Variants in RUFY4 observed in about 807,000 individuals in gnomAD.
The protein encoded by RUFY4 is RUN and FYVE domain containing 4, also known as RUN and FYVE domain-containing protein 4.
In RUFY4, 73 loss-of-function variants were observed where a neutral mutation model predicts 69.0. That is an observed-to-expected ratio of 1.06 (90% CI 0.88 to 1.29). The LOEUF (loss-of-function observed/expected upper bound fraction) is 1.29, where lower values mean the gene tolerates loss of function less well. Ranked by LOEUF, RUFY4 falls within the 50% of genes most tolerant of loss-of-function variation. The pLI is 0.00. For missense variants in RUFY4, 770 were observed against 705.6 expected (o/e 1.09, Z -1.03); for synonymous variants, 287 against 271.8 (o/e 1.06, Z -0.55).
upstream of RUFY4, among the ~76,000 whole-genome samples, chr2:218,068,426 A>G (rs1689401097): frequency 6.6e-6 from 1 of 152,096 alleles, no homozygotes; most frequent in African/African-American, 2.4e-5. Context: ...AGACAGGGAC[A>G]TGACACGGGA....
At position 218,041,045 on chromosome 2, in the gene RUFY4, C is replaced by T. The variant is rs150615184; in HGVS notation, c.-1158+5651C>T. Among the ~76,000 whole-genome samples the T allele has an allele frequency of 5.9e-4, 89 of 151,738 alleles. 1 individual carries two copies. Among genetic ancestry groups the T allele is most frequent in the East Asian group, 4.9e-3 (25 of 5,140 alleles). On this transcript the variant is annotated intron_variant and NMD_transcript_variant, in intron 2 of 13. Transcript: ENST00000457754. ...TTCTCTAGAGAACCATCTGAAAGGACGTTTACACTTCCTTTCTTTGTACAA... is the reference window on the plus strand; with the variant it reads ...TTCTCTAGAGAACCATCTGAAAGGATGTTTACACTTCCTTTCTTTGTACAA...
At chr2:218,090,467 A>G in exon 11 of RUFY4, 1 of 196,394 alleles carries the variant, frequency 5.1e-6, no homozygotes, top group Non-Finnish European at 1.1e-5. Flanking sequence ...ACTATCTTGG[A>G]CTCTCCAGCA....
At chr2:218,062,395 G>C (rs1304798212) in intron 3 of RUFY4, among the ~76,000 whole-genome samples, 1 of 134,380 alleles carries the variant, frequency 7.4e-6, no homozygotes, top group Admixed American at 7.9e-5. Flanking sequence ...GACAGAGCGA[G>C]ACTCCGTCTC....
At chr2:218,060,347 T>C (rs946957273) in intron 3 of RUFY4, 20 of 1,534,944 alleles carry the variant, frequency 1.3e-5, no homozygotes, top group Non-Finnish European at 1.7e-5. Flanking sequence ...TCTTAGAGAG[T>C]AGTGGAAGTG....
At chr2:218,050,759 G>A (rs1688925742) in intron 2 of RUFY4, among the ~76,000 whole-genome samples, 1 of 152,158 alleles carries the variant, frequency 6.6e-6, no homozygotes, top group African/African-American at 2.4e-5. Flanking sequence ...AAGAACAAAT[G>A]TACAGATGAG....
intron 8 of RUFY4, among the ~76,000 whole-genome samples, chr2:218,079,834 G>T (rs968699669): frequency 6.6e-6 from 1 of 152,150 alleles, no homozygotes; most frequent in Non-Finnish European, 1.5e-5. Context: ...GAGCAGGTGT[G>T]GTGAACAAAC....
At chr2:218,051,568 TAAAA>T (rs35465389) in intron 2 of RUFY4, among the ~76,000 whole-genome samples, 118 of 114,902 alleles carry the variant, frequency 1.0e-3, no homozygotes, top group South Asian at 1.6e-3. Flanking sequence ...TCCAATATTT[TAAAA>T]AAAAAAAAAA....
intron 8 of RUFY4, 139 bp from the exon 11 acceptor site, chr2:218,082,971 T>TTGTGTG (rs1032331100): frequency 1.3e-6 from 1 of 759,916 alleles, no homozygotes; most frequent in Admixed American, 2.5e-5. Context: ...GTGTGTGTGT[T>TTGTGTG]TGTGTGTGTG....
chr2:218,039,291 G>C (rs1559418743), intron 2 of RUFY4, among the ~76,000 whole-genome samples: 1 of 152,198 alleles, frequency 6.6e-6, no homozygotes, highest in Non-Finnish European at 1.5e-5. Context: ...TGGTTGGGAA[G>C]GAACAATGGC....
chr2:218,070,975 T>C lies in RUFY4; in HGVS notation c.153+116T>C, dbSNP rs4074800. 9.4e-3 allele frequency: 6,708 copies of C among 716,746 alleles called. 339 individuals are homozygous for C. The African/African-American group carries it at 0.11, about 12-fold the overall frequency. 44.4% of individuals were successfully genotyped at this position (716,746 alleles called of 1,614,324 possible). On this transcript the variant is annotated intron_variant, in intron 2 of 10. Coordinates refer to ENST00000344321, the Ensembl canonical transcript of RUFY4. ...CCCTTCCTTACCATGCACTGTGTCATCTCCCTCTCCCTCCTGACACCTAAC... is the reference window on the plus strand; with the variant it reads ...CCCTTCCTTACCATGCACTGTGTCACCTCCCTCTCCCTCCTGACACCTAAC...
At chr2:218,086,153 C>G (rs1409724767) in intron 9 of RUFY4, among the ~76,000 whole-genome samples, 1 of 152,018 alleles carries the variant, frequency 6.6e-6, no homozygotes, top group East Asian at 1.9e-4. Flanking sequence ...ATGAGGCAGT[C>G]TCTTAGAAGG....
intron 3 of RUFY4, 92 bp from the exon 6 acceptor site, chr2:218,072,687 A>G (rs2106050576): frequency 1.5e-6 from 2 of 1,300,502 alleles, no homozygotes; most frequent in Non-Finnish European, 2.1e-6. Flanking sequence ...CACCCTTCCC[A>G]TTGCCAAGCA....
At chr2:218,038,292 T>C (rs1311898455) in intron 2 of RUFY4, among the ~76,000 whole-genome samples, 1 of 149,518 alleles carries the variant, frequency 6.7e-6, no homozygotes, top group Non-Finnish European at 1.5e-5. Context: ...TTGTGGACAA[T>C]ATGTCTTGAA....
At chr2:218,043,531 T>G (rs1417714468) in intron 2 of RUFY4, among the ~76,000 whole-genome samples, 1 of 152,174 alleles carries the variant, frequency 6.6e-6, no homozygotes, top group Non-Finnish European at 1.5e-5. Context: ...ACCCAACTTC[T>G]GCAGTTCTCA....
In RUFY4 at chr2:218,083,322, G is replaced by A. The variant is rs1032383423; in HGVS notation, c.1502+66G>A. The A allele has an allele frequency of 5.9e-6, 9 of 1,513,544 alleles. No individual in the cohort carries two copies. The African/African-American group carries it at 1.1e-4, about 19-fold the overall frequency. 93.8% of individuals were successfully genotyped at this position (1,513,544 alleles called of 1,614,324 possible). On this transcript the variant is annotated intron_variant, in intron 9 of 10. Transcript: ENST00000344321. ...AACGGTAAGGGATGTGGAGCCCGGA[G>A]CGTGAAAATTCTACTCCACTCACAA...
chr2:218,079,008 C>T (rs1689699898), intron 8 of RUFY4, among the ~76,000 whole-genome samples: 1 of 152,202 alleles, frequency 6.6e-6, no homozygotes, highest in Admixed American at 6.5e-5. Context: ...GCTGGGATTA[C>T]AGACACCTGC....
At chr2:218,074,973 G>A (rs1357286655) in intron 6 of RUFY4, 120 bp from the exon 9 acceptor site, 5 of 1,083,862 alleles carry the variant, frequency 4.6e-6, no homozygotes, top group Admixed American at 6.0e-5. Context: ...CTTCCAGTGA[G>A]AGGACCTGGT....
intron 4 of RUFY4, 70 bp from the exon 7 acceptor site, chr2:218,073,167 TGGGGTG>T: frequency 7.6e-7 from 1 of 1,316,918 alleles, no homozygotes; most frequent in South Asian, 1.3e-5. Context: ...GAGGTTGAGC[TGGGGTG>T]GGGGTGGTTG....
At chr2:218,063,981 A>G (rs556722335) in intron 3 of RUFY4, among the ~76,000 whole-genome samples, 1 of 152,192 alleles carries the variant, frequency 6.6e-6, no homozygotes, top group Non-Finnish European at 1.5e-5. Flanking sequence ...GAGGGTCCCC[A>G]AACTCTAAGG....
Sources: allele counts gnomAD v4.1 joint callset (sites outside exome capture counted in the v4.1 genomes callset), GRCh38; gene constraint gnomAD v4.1.1; transcripts MANE v1.5; gene names NCBI Gene and HGNC (gene_info 2026-07-23, HGNC 2026-07-21).